The following CDH12 variants were observed in gnomAD, a reference collection of about 807,000 sequenced individuals.
CDH12 encodes cadherin-12.
CDH12 carries 41 observed loss-of-function variants against 74.1 expected under a neutral mutation model. That is an observed-to-expected ratio of 0.55 (90% CI 0.43 to 0.72). The LOEUF is 0.72. Among genes scored for constraint, CDH12 ranks in the 30% least tolerant of loss-of-function variants. The probability of loss-of-function intolerance (pLI) is 0.00; values close to 1 mark genes in which losing one functional copy is unlikely to be tolerated. For synonymous variants in CDH12, 399 were observed against 355.0 expected, an observed-to-expected ratio of 1.12 and a Z score of -1.39; for missense variants, 945 against 977.2, an observed-to-expected ratio of 0.97 and a Z score of 0.44.
At chr5:22,366,431 C>A (rs1449040941) in intron 3 of CDH12, among the ~76,000 whole-genome samples, 2 of 151,998 alleles carry the variant, frequency 1.3e-5, no homozygotes, top group Non-Finnish European at 2.9e-5. Flanking sequence ...ATTGGTTTCT[C>A]TGAAGAACTC....
At chr5:22,415,186 A>C (rs1743330340) in intron 2 of CDH12, among the ~76,000 whole-genome samples, 1 of 152,030 alleles carries the variant, frequency 6.6e-6, no homozygotes, top group Non-Finnish European at 1.5e-5. Flanking sequence ...GTGCCTAAAA[A>C]TAAGTAATAA....
intron 3 of CDH12, among the ~76,000 whole-genome samples, chr5:22,277,646 A>G (rs1384353317): frequency 6.2e-5 from 1 of 16,210 alleles, no homozygotes; most frequent in East Asian, 2.3e-3. Context: ...CAGCCTGACC[A>G]ACATGGAGAA....
intron 1 of CDH12, among the ~76,000 whole-genome samples, chr5:22,813,559 T>C (rs1749249397): frequency 6.6e-6 from 1 of 152,148 alleles, no homozygotes; most frequent in Non-Finnish European, 1.5e-5. Context: ...GCTTTAGATA[T>C]AGTACAGCGA....
chr5:22,159,471 T>C (rs1037901202), intron 4 of CDH12, among the ~76,000 whole-genome samples: 3 of 152,156 alleles, frequency 2.0e-5, no homozygotes, highest in African/African-American at 7.2e-5. Context: ...TAAAACCATA[T>C]TATATTGTGT....
chr5:22,284,734 C>G (rs10213913), intron 3 of CDH12, among the ~76,000 whole-genome samples: 2,701 of 152,088 alleles, frequency 0.018, 30 homozygotes, highest in Middle Eastern at 0.024. Context: ...TGTCTGAATA[C>G]CAGAAAGTGG....
At chr5:22,559,355 A>G (rs1409149475) in intron 1 of CDH12, among the ~76,000 whole-genome samples, 4 of 152,130 alleles carry the variant, frequency 2.6e-5, no homozygotes, top group Non-Finnish European at 5.9e-5. Flanking sequence ...ACTTTACCTC[A>G]GCGAAAAAAT....
intron 1 of CDH12, among the ~76,000 whole-genome samples, chr5:22,712,987 C>T (rs1015536211): frequency 4.6e-5 from 7 of 152,104 alleles, no homozygotes; most frequent in East Asian, 3.9e-4. Flanking sequence ...ATGAGCTCTA[C>T]GATAGTGGCC....
At chr5:22,277,878 C>T (rs1736712034) in intron 3 of CDH12, 1 of 156,476 alleles carries the variant, frequency 6.4e-6, no homozygotes, top group South Asian at 2.0e-4. Context: ...AAACAATCAA[C>T]TAAGCTTGCT....
chr5:22,332,980 G>T (rs537131629), intron 3 of CDH12, among the ~76,000 whole-genome samples: 4 of 152,090 alleles, frequency 2.6e-5, no homozygotes, highest in African/African-American at 7.2e-5. Context: ...ATACCCAAAG[G>T]ATTATAAATC....
At chr5:21,807,371 T>G (rs1356861681) in intron 9 of CDH12, among the ~76,000 whole-genome samples, 2 of 152,078 alleles carry the variant, frequency 1.3e-5, no homozygotes, top group African/African-American at 4.8e-5. Context: ...ATGGCTAGCC[T>G]GGTGTCAGAT....
chr5:21,870,788 G>C (rs1229679133), intron 6 of CDH12, among the ~76,000 whole-genome samples: 5 of 152,130 alleles, frequency 3.3e-5, no homozygotes, highest in Admixed American at 6.5e-5. Context: ...TTGGGGTACA[G>C]GGGTATAATC....
chr5:21,886,498 AC>A (rs1163197458), intron 6 of CDH12, among the ~76,000 whole-genome samples: 1 of 147,200 alleles, frequency 6.8e-6, no homozygotes, highest in Non-Finnish European at 1.5e-5. Context: ...AAGAAATAGA[AC>A]AAAACCTCAA....
At chr5:22,531,030 T>G (rs1244942923) in intron 1 of CDH12, among the ~76,000 whole-genome samples, 1 of 152,158 alleles carries the variant, frequency 6.6e-6, no homozygotes, top group African/African-American at 2.4e-5. Flanking sequence ...TTCATATGTA[T>G]ATCTCTGAAA....
At position 22,196,913 on chromosome 5, in the gene CDH12, C is replaced by T. The variant is rs573264461; in HGVS notation, c.-187+15585G>A. On this transcript the variant is annotated intron_variant, in intron 4 of 14. Transcript: ENST00000382254. ...AGTGGGTCAGTCGAATTTCTTAATC[C>T]TCAATCAGACAAAAAAGTAGATCAT... Among the ~76,000 whole-genome samples the T allele has an allele frequency of 1.7e-3, 265 of 152,172 alleles. 3 individuals carry two copies. Among genetic ancestry groups the T allele is most frequent in the Non-Finnish European group, 3.5e-4 (24 of 68,006 alleles).
intron 1 of CDH12, among the ~76,000 whole-genome samples, chr5:22,681,861 T>C (rs1261958444): frequency 2.6e-5 from 4 of 152,074 alleles, no homozygotes; most frequent in Non-Finnish European, 5.9e-5. Flanking sequence ...TTAATGCATA[T>C]TTCACTATGA....
chr5:22,502,824 C>T (rs1736229537), intron 2 of CDH12, among the ~76,000 whole-genome samples: 1 of 152,162 alleles, frequency 6.6e-6, no homozygotes, highest in Non-Finnish European at 1.5e-5. Context: ...GCCTATTCTT[C>T]TGGATTTATC....
chr5:21,871,398 TAG>T (rs1250407715), intron 6 of CDH12, among the ~76,000 whole-genome samples: 4 of 152,194 alleles, frequency 2.6e-5, no homozygotes, highest in African/African-American at 9.6e-5. Context: ...GGAATTATAA[TAG>T]AGTTTTCCAC....
At chr5:22,075,367 T>C (rs28491509) in intron 5 of CDH12, among the ~76,000 whole-genome samples, 55,999 of 149,816 alleles carry the variant, frequency 0.37, 13,262 homozygotes, top group African/African-American at 0.68. Context: ...TGTTAAATGA[T>C]GAGTTAATGG....
At chr5:22,065,481 A>T (rs986876995) in intron 5 of CDH12, among the ~76,000 whole-genome samples, 5 of 152,198 alleles carry the variant, frequency 3.3e-5, no homozygotes, top group Non-Finnish European at 7.3e-5. Context: ...ATGGAGCCAA[A>T]GTTTGCCCAC....
Sources: allele counts gnomAD v4.1 joint callset (sites outside exome capture counted in the v4.1 genomes callset), GRCh38; gene constraint gnomAD v4.1.1; transcripts MANE v1.5; gene names NCBI Gene and HGNC (gene_info 2026-07-23, HGNC 2026-07-21).